The following GRM1 variants were observed in gnomAD, a reference collection of about 807,000 sequenced individuals.
The protein encoded by GRM1 is glutamate metabotropic receptor 1, also known as metabotropic glutamate receptor 1.
Under a neutral mutation model 90.9 loss-of-function variants are expected in GRM1, and 33 were observed. That is an observed-to-expected ratio of 0.36 (90% CI 0.28 to 0.49). The LOEUF is 0.49. Among genes scored for constraint, GRM1 ranks in the 20% least tolerant of loss-of-function variants. GRM1 has a pLI of 0.99. For synonymous variants in GRM1, 700 were observed against 613.2 expected, an observed-to-expected ratio of 1.14 and a Z score of -2.09; for missense variants, 1,190 against 1,534.3, an observed-to-expected ratio of 0.78 and a Z score of 3.75.
chr6:146,250,339 T>G (rs944034014), intron 2 of GRM1, among the ~76,000 whole-genome samples: 4 of 152,162 alleles, frequency 2.6e-5, no homozygotes, highest in African/African-American at 4.8e-5. Context: ...CCATAATCCT[T>G]ACATGTCAAG....
chr6:146,429,206 A>G (rs1477754664), intron 7 of GRM1, among the ~76,000 whole-genome samples: 1 of 152,230 alleles, frequency 6.6e-6, no homozygotes, highest in Non-Finnish European at 1.5e-5. Context: ...TAAGATTCAC[A>G]ATGCCATTTA....
chr6:146,121,605 A>G (rs958521145), intron 1 of GRM1, among the ~76,000 whole-genome samples: 10 of 152,066 alleles, frequency 6.6e-5, no homozygotes, highest in African/African-American at 2.4e-4. Context: ...ACACTGCTTT[A>G]AATGTGTCCC....
At chr6:146,092,859 G>A (rs891363271) in intron 1 of GRM1, among the ~76,000 whole-genome samples, 6 of 152,030 alleles carry the variant, frequency 3.9e-5, no homozygotes, top group Non-Finnish European at 7.4e-5. Context: ...TATTGATTTC[G>A]CCAAATTGAT....
At chr6:146,120,869 G>A (rs1315959735) in intron 1 of GRM1, among the ~76,000 whole-genome samples, 2 of 152,168 alleles carry the variant, frequency 1.3e-5, no homozygotes, top group Non-Finnish European at 2.9e-5. Context: ...TTGCATCGAT[G>A]TTCATCAGAG....
intron 1 of GRM1, among the ~76,000 whole-genome samples, chr6:146,107,886 A>G (rs1256531850): frequency 6.6e-6 from 1 of 152,170 alleles, no homozygotes; most frequent in East Asian, 1.9e-4. Context: ...TCTTAATCAT[A>G]AAAGTTTCTT....
At chr6:146,328,358 G>A (rs1784470112) in intron 3 of GRM1, among the ~76,000 whole-genome samples, 1 of 152,032 alleles carries the variant, frequency 6.6e-6, no homozygotes, top group South Asian at 2.1e-4. Flanking sequence ...CACAACAACT[G>A]TTGTCACTGA....
rs143961847 is a variant in GRM1 at position 146,426,435 on chromosome 6, C to G, written c.2661-7437C>G. On this transcript the variant is annotated intron_variant, in intron 7 of 7. Transcript: ENST00000282753. ...GGCAGAGCAAGGACCATAGAGCAAA[C>G]GGAGGTGGAGGCAATACAGAGCAAG... 51 of 801,390 alleles carry G rather than the reference C, an allele frequency of 6.4e-5. No individual in the cohort carries two copies. The African/African-American group carries it at 7.3e-4, about 12-fold the overall frequency. The allele number at this position is 801,390 out of a possible 1,614,324, so 49.6% of individuals were successfully genotyped here. A position where few individuals can be genotyped will look rare whatever the true frequency, so the allele number is the denominator to read the frequency against.
intron 1 of GRM1, among the ~76,000 whole-genome samples, chr6:146,065,659 T>C (rs879528005): frequency 9.2e-5 from 14 of 152,152 alleles, no homozygotes; most frequent in Admixed American, 9.2e-4. Context: ...TAAACAAGGA[T>C]AGAAGCAGGG....
At chr6:146,030,927 A>T (rs941778788) in intron 1 of GRM1, among the ~76,000 whole-genome samples, 3 of 152,184 alleles carry the variant, frequency 2.0e-5, no homozygotes, top group African/African-American at 7.2e-5. Context: ...ACTGGTGACC[A>T]CTTGGATTTG....
intron 7 of GRM1, among the ~76,000 whole-genome samples, chr6:146,415,358 A>G (rs1260688232): frequency 1.3e-5 from 2 of 152,222 alleles, no homozygotes; most frequent in Non-Finnish European, 2.9e-5. Flanking sequence ...ATTTCAATGC[A>G]TAAATTTGGA....
At chr6:146,363,567 A>C (rs1775572102) in intron 5 of GRM1, among the ~76,000 whole-genome samples, 1 of 152,114 alleles carries the variant, frequency 6.6e-6, no homozygotes, top group Admixed American at 6.5e-5. Context: ...TATAAAATCT[A>C]TGTGTATGTG....
intron 7 of GRM1, among the ~76,000 whole-genome samples, chr6:146,404,110 C>T (rs191728894): frequency 3.9e-5 from 6 of 152,164 alleles, no homozygotes; most frequent in Admixed American, 2.0e-4. Context: ...TTCTCTTAAT[C>T]ACACAATATA....
chr6:146,276,781 A>T (rs768778648), intron 2 of GRM1, among the ~76,000 whole-genome samples: 483 of 152,238 alleles, frequency 3.2e-3, no homozygotes, highest in Non-Finnish European at 5.7e-3. Flanking sequence ...TGATTTGTAC[A>T]TTTTATCTTA....
In GRM1 at chr6:146,436,852, T is replaced by C. The variant is rs557820131; in HGVS notation, c.*2056T>C. On this transcript the variant is annotated 3_prime_UTR_variant, in exon 8 of 8. Transcript: ENST00000282753. ...CAGCCAAAAATCATCTTAGAATCTT[T>C]AAATATCCATTGCATCATTTGTTCA... 2.5e-4 allele frequency: 38 copies of C among 152,794 alleles called. No individual in the cohort carries two copies. Among genetic ancestry groups the C allele is most frequent in the African/African-American group, 9.1e-4 (38 of 41,590 alleles). 9.5% of individuals were successfully genotyped at this position (152,794 alleles called of 1,614,324 possible).
intron 1 of GRM1, among the ~76,000 whole-genome samples, chr6:146,116,978 T>C (rs1261894691): frequency 6.6e-6 from 1 of 151,914 alleles, no homozygotes; most frequent in African/African-American, 2.4e-5. Context: ...TTGCATTTTC[T>C]TTTTATTTCC....
rs768738476 is a variant in GRM1 at position 146,433,858 on chromosome 6, T to A, written c.2661-14T>A. On this transcript the variant is annotated splice_polypyrimidine_tract_variant and intron_variant, in intron 7 of 7. Coordinates refer to ENST00000282753, the MANE Select transcript of GRM1 (RefSeq NM_001278064.2). ...ATCTATCTGCAAATAAATCCATCTC[T>A]ATTTTATTCATAGTTCTAATGGCAA... The A allele has an allele frequency of 6.4e-7, 1 of 1,564,940 alleles. No individual in the cohort carries two copies. Among genetic ancestry groups the A allele is most frequent in the Non-Finnish European group, 8.8e-7 (1 of 1,135,182 alleles).
intron 2 of GRM1, among the ~76,000 whole-genome samples, chr6:146,224,093 G>A (rs1289570159): frequency 6.6e-6 from 1 of 152,032 alleles, no homozygotes; most frequent in African/African-American, 2.4e-5. Context: ...TAGATGTGGT[G>A]TCATCGGCCA....
At chr6:146,245,548 G>A (rs190861717) in intron 2 of GRM1, among the ~76,000 whole-genome samples, 1 of 152,228 alleles carries the variant, frequency 6.6e-6, no homozygotes, top group East Asian at 1.9e-4. Context: ...AAGGACAGAT[G>A]ATCAGATTTT....
chr6:146,366,955 T>G (rs7748653), intron 5 of GRM1, among the ~76,000 whole-genome samples: 7,087 of 152,274 alleles, frequency 0.047, 223 homozygotes, highest in African/African-American at 0.087. Flanking sequence ...TTTTGAGGTT[T>G]TATCCAGAAA....
Sources: allele counts gnomAD v4.1 joint callset (sites outside exome capture counted in the v4.1 genomes callset), GRCh38; gene constraint gnomAD v4.1.1; transcripts MANE v1.5; gene names NCBI Gene and HGNC (gene_info 2026-07-23, HGNC 2026-07-21).